The following RDX variants were observed in gnomAD, a reference collection of about 807,000 sequenced individuals.
RDX encodes the protein radixin, also known as deafness, autosomal recessive 24.
Under a neutral mutation model 83.7 loss-of-function variants are expected in RDX, and 32 were observed. The observed-to-expected ratio is 0.38, with a 90% CI of 0.29 to 0.51. The LOEUF is 0.51. RDX is among the 20% of genes least tolerant of loss of function. The pLI is 0.87. For synonymous variants in RDX, 229 were observed against 222.7 expected (o/e 1.03, Z -0.25); for missense variants, 600 against 689.9 (o/e 0.87, Z 1.46).
intron 3 of RDX, among the ~76,000 whole-genome samples, chr11:110,267,565 C>CAA (rs974527928): frequency 5.7e-5 from 8 of 140,770 alleles, no homozygotes; most frequent in East Asian, 2.2e-4. Flanking sequence ...CACACACACA[C>CAA]AAATAATCTT....
intron 14 of RDX, among the ~76,000 whole-genome samples, chr11:110,222,952 A>T (rs1442154841): frequency 6.6e-6 from 1 of 152,252 alleles, no homozygotes; most frequent in East Asian, 1.9e-4. Context: ...GTGAGCTACT[A>T]TCAAGTACAT....
intron 9 of RDX, among the ~76,000 whole-genome samples, chr11:110,251,874 G>C (rs1298709543): frequency 6.6e-6 from 1 of 152,124 alleles, no homozygotes; most frequent in South Asian, 2.1e-4. Flanking sequence ...CCAAAGTATT[G>C]TAGGGAAAGA....
rs1202711209 is a variant in RDX, at chr11:110,194,135, CAG to C, written c.*31+5444_*31+5445del. Among the ~76,000 whole-genome samples the C allele has an allele frequency of 2.0e-5, 3 of 152,250 alleles. No individual in the cohort carries two copies. In the East Asian group the frequency reaches 5.8e-4, roughly 29 times the overall value. On this transcript the variant is annotated intron_variant, in intron 15 of 15. Transcript: ENST00000528498. ...TAAGAACAGATGTGGCACAACTCTT[CAG>C]AGTTACTTGTTCAATGTTTTAAAGA...
intron 14 of RDX, among the ~76,000 whole-genome samples, chr11:110,222,043 A>G (rs1237204501): frequency 6.6e-6 from 1 of 152,194 alleles, no homozygotes; most frequent in Non-Finnish European, 1.5e-5. Context: ...TATTTCATGG[A>G]AAAGGGAATA....
intron 15 of RDX, among the ~76,000 whole-genome samples, chr11:110,182,210 G>A (rs941538595): frequency 1.2e-4 from 18 of 152,358 alleles, no homozygotes; most frequent in Admixed American, 2.6e-4. Flanking sequence ...AGGGAGACGC[G>A]GAAGAGGTGG....
intron 1 of RDX, among the ~76,000 whole-genome samples, chr11:110,282,808 G>A (rs1860817324): frequency 6.6e-6 from 1 of 152,030 alleles, no homozygotes; most frequent in Non-Finnish European, 1.5e-5. Flanking sequence ...GACAGATTGT[G>A]TCTCCACAAA....
chr11:110,276,836 T>C (rs1225745402), intron 2 of RDX, among the ~76,000 whole-genome samples: 1 of 152,228 alleles, frequency 6.6e-6, no homozygotes, highest in Non-Finnish European at 1.5e-5. Flanking sequence ...TGAGTTAATT[T>C]TGAGGAAAAA....
chr11:110,264,201 A>C lies in RDX; in HGVS notation c.226T>G (p.Leu76Val), dbSNP rs1024390508. ...AATTTAGCTCTAAACTTGAACTGTA[A>C]AGGATTCTCTTTTTTAACATCCTGC... ...TQQDVKKENP[L>V]QFKFRAKFFP... The change falls in exon 5 of 14, where the codon TTA becomes GTA. Residue 76 changes from leucine to valine, a missense_variant. By Grantham distance (32) the Leu-to-Val change is conservative (BLOSUM62 1). Transcript: ENST00000645495. 36 of 1,609,160 alleles carry C rather than the reference A, an allele frequency of 2.2e-5. No individual in the cohort carries two copies. The highest frequency in any genetic ancestry group is 3.0e-5 in the Non-Finnish European group (35 of 1,177,436).
intron 14 of RDX, among the ~76,000 whole-genome samples, chr11:110,217,571 CCAAGA>C (rs1864100130): frequency 6.6e-6 from 1 of 152,186 alleles, no homozygotes; most frequent in South Asian, 2.1e-4. Context: ...AACCGACAGC[CCAAGA>C]CATGCTACCA....
intron 2 of RDX, among the ~76,000 whole-genome samples, chr11:110,276,272 TTAA>T (rs1279246531): frequency 2.6e-5 from 4 of 152,228 alleles, no homozygotes; most frequent in Non-Finnish European, 4.4e-5. Flanking sequence ...ACATAATTTA[TTAA>T]TTAGTTCATT....
intron 10 of RDX, among the ~76,000 whole-genome samples, chr11:110,245,002 T>C (rs1187625493): frequency 1.3e-5 from 2 of 150,988 alleles, no homozygotes; most frequent in Non-Finnish European, 2.9e-5. Context: ...TCTCGCTCTG[T>C]CATCCAGGCA....
In RDX at chr11:110,294,720, CA is replaced by C. The variant is rs112660903; in HGVS notation, c.-65+1746del. ...ACTTTCAGTTAATTAATCACAATTT[CA>C]AAAAAAAAAACAAAAGGACAGACTC... On this transcript the variant is annotated intron_variant, in intron 1 of 13. Transcript: ENST00000645495. Among the ~76,000 whole-genome samples, 1,193 of 142,066 alleles carry C rather than the reference CA, an allele frequency of 8.4e-3. 13 individuals carry two copies. The highest frequency in any genetic ancestry group is 0.027 in the African/African-American group (1,079 of 39,412). The allele number at this position is 142,066 out of a possible 152,430, so 93.2% of individuals were successfully genotyped here. A position where few individuals can be genotyped will look rare whatever the true frequency, so the allele number is the denominator to read the frequency against.
At chr11:110,235,613 C>A (rs1864814870) in intron 12 of RDX, among the ~76,000 whole-genome samples, 1 of 152,176 alleles carries the variant, frequency 6.6e-6, no homozygotes, top group African/African-American at 2.4e-5. Context: ...CTTGCTGTAG[C>A]AGAGCATTTA....
intron 10 of RDX, among the ~76,000 whole-genome samples, chr11:110,241,945 A>G (rs1865114946): frequency 6.6e-6 from 1 of 152,204 alleles, no homozygotes; most frequent in Non-Finnish European, 1.5e-5. Flanking sequence ...CAAATACTGT[A>G]TGATACCACT....
chr11:110,281,337 T>G (rs1860752180), intron 1 of RDX, among the ~76,000 whole-genome samples: 1 of 151,960 alleles, frequency 6.6e-6, no homozygotes, highest in Non-Finnish European at 1.5e-5. Flanking sequence ...TTTTTTTTTT[T>G]TGAGATGGAG....
intron 1 of RDX, among the ~76,000 whole-genome samples, chr11:110,294,750 G>GT (rs1443209335): frequency 1.3e-5 from 2 of 151,686 alleles, no homozygotes; most frequent in Non-Finnish European, 2.9e-5. Flanking sequence ...CAGACTCAAC[G>GT]TATTTTCCCT....
At position 110,233,413 on chromosome 11, in the gene RDX, G is replaced by T. The variant is rs138560358; in HGVS notation, c.1411C>A (p.Pro471Thr). The T allele has an allele frequency of 4.6e-5, 74 of 1,614,056 alleles. 1 individual carries two copies. Among genetic ancestry groups the T allele is most frequent in the Non-Finnish European group, 5.6e-5 (66 of 1,180,002 alleles). ...EELKTVMSAP[P>T]PPPPPPVIPP... Reference sequence around the variant, plus strand: ...ATGACTGGTGGTGGTGGAGGTGGAGGGGGGGCAGACATCACAGTTTTTAAC... The same window carrying T: ...ATGACTGGTGGTGGTGGAGGTGGAGTGGGGGCAGACATCACAGTTTTTAAC... The change falls in exon 13 of 14, where the codon CCT (proline) becomes ACT (threonine). Residue 471 changes from proline (P) to threonine (T), a missense_variant. Coordinates refer to ENST00000645495, the MANE Select transcript of RDX (RefSeq NM_002906.4).
chr11:110,249,921 G>A (rs1489435128), intron 9 of RDX, among the ~76,000 whole-genome samples: 1 of 152,112 alleles, frequency 6.6e-6, no homozygotes, highest in Non-Finnish European at 1.5e-5. Flanking sequence ...TCATGTAAGG[G>A]AAGCTCCATC....
In RDX at chr11:110,296,565, C is replaced by CCGCGGGAGACGAGAGGCGCCGCCG. The variant is rs1861477623; in HGVS notation, c.-164_-163insCGGCGGCGCCTCTCGTCTCCCGCG. 6.6e-6 allele frequency: 1 copy of CCGCGGGAGACGAGAGGCGCCGCCG among 151,224 alleles called. No individual in the cohort carries two copies. 9.4% of individuals were successfully genotyped at this position (151,224 alleles called of 1,614,324 possible). On this transcript the variant is annotated 5_prime_UTR_variant, in exon 1 of 14. Coordinates refer to ENST00000645495, the MANE Select transcript of RDX (RefSeq NM_002906.4). ...GGAGAAGCGGTGGTGCGAGCGCTGG[C>CCGCGGGAGACGAGAGGCGCCGCCG]CCGCGGGAGACGAGAGGCGCCGCCG...
Sources: allele counts gnomAD v4.1 joint callset (sites outside exome capture counted in the v4.1 genomes callset), GRCh38; gene constraint gnomAD v4.1.1; transcripts MANE v1.5; gene names NCBI Gene and HGNC (gene_info 2026-07-23, HGNC 2026-07-21).